The following EXOC4 variants were observed in gnomAD, a reference collection of about 807,000 sequenced individuals.
The protein encoded by EXOC4 is SEC8-like 1.
Under a neutral mutation model 107.2 loss-of-function variants are expected in EXOC4, and 71 were observed. The observed-to-expected ratio is 0.66, with a 90% CI of 0.55 to 0.81. EXOC4 has a LOEUF of 0.81. Among genes scored for constraint, EXOC4 ranks in the 30% least tolerant of loss-of-function variants. The pLI, the probability that EXOC4 is intolerant of heterozygous loss-of-function variation, is 0.00. For missense variants in EXOC4, 1,108 were observed against 1,189.6 expected, an observed-to-expected ratio of 0.93 and a Z score of 1.01; for synonymous variants, 456 against 441.2, an observed-to-expected ratio of 1.03 and a Z score of -0.42.
intron 6 of EXOC4, among the ~76,000 whole-genome samples, chr7:133,364,650 G>C (rs1174431289): frequency 6.6e-6 from 1 of 152,116 alleles, no homozygotes; most frequent in Non-Finnish European, 1.5e-5. Context: ...TGCCTTAGTT[G>C]ATTCTTATGC....
chr7:133,511,958 ACAGCG>A (rs1257220722), intron 9 of EXOC4, among the ~76,000 whole-genome samples: 2 of 152,202 alleles, frequency 1.3e-5, no homozygotes, highest in African/African-American at 4.8e-5. Context: ...ACGCTTAGCC[ACAGCG>A]CAGCATTCTT....
intron 7 of EXOC4, among the ~76,000 whole-genome samples, chr7:133,403,342 A>T (rs1318506980): frequency 6.6e-6 from 1 of 151,744 alleles, no homozygotes; most frequent in African/African-American, 2.4e-5. Context: ...TGTAGTCATG[A>T]CTCCTGTCTT....
chr7:133,838,667 A>G (rs958920421), intron 11 of EXOC4, among the ~76,000 whole-genome samples: 4 of 152,338 alleles, frequency 2.6e-5, no homozygotes, highest in Admixed American at 2.0e-4. Context: ...GGTAATAGCT[A>G]TGCTGCAAGT....
At chr7:133,390,009 C>T (rs1149551) in intron 7 of EXOC4, among the ~76,000 whole-genome samples, 128,868 of 152,092 alleles carry the variant, frequency 0.85, 54,865 homozygotes, top group East Asian at 0.94. Flanking sequence ...TCCTATGATT[C>T]AGTCACCTCC....
Position 133,823,864 on chromosome 7 carries a change from TATATATATTA to T in EXOC4, c.1734+6321_1734+6330del, listed in dbSNP as rs1212281248. ...TATATTATATATATATATATATATA[TATATATATTA>T]TATATATATATATATATATTTTATA... On this transcript the variant is annotated intron_variant, in intron 11 of 17. Coordinates refer to ENST00000253861, the MANE Select transcript of EXOC4 (RefSeq NM_021807.4). Among the ~76,000 whole-genome samples the T allele has an allele frequency of 2.3e-3, 56 of 24,758 alleles. 3 individuals carry two copies. Among genetic ancestry groups the T allele is most frequent in the South Asian group, 8.0e-3 (4 of 498 alleles). 16.2% of individuals were successfully genotyped at this position (24,758 alleles called of 152,430 possible). A position where few individuals can be genotyped will look rare whatever the true frequency, so the allele number is the denominator to read the frequency against.
chr7:133,466,771 A>C (rs1219586134), intron 7 of EXOC4, among the ~76,000 whole-genome samples: 1 of 152,330 alleles, frequency 6.6e-6, no homozygotes, highest in East Asian at 1.9e-4. Flanking sequence ...TGAACAAAAT[A>C]TTAGCAAATT....
At chr7:133,910,892 G>A (rs1477887803) in intron 12 of EXOC4, among the ~76,000 whole-genome samples, 1 of 152,118 alleles carries the variant, frequency 6.6e-6, no homozygotes, top group Non-Finnish European at 1.5e-5. Context: ...ACCTGCACCT[G>A]GTTGTTTACC....
intron 9 of EXOC4, among the ~76,000 whole-genome samples, chr7:133,587,643 A>G (rs1801437204): frequency 6.6e-6 from 1 of 152,222 alleles, no homozygotes; most frequent in Non-Finnish European, 1.5e-5. Flanking sequence ...GCAAAATCAG[A>G]TGGCTTGAAT....
intron 14 of EXOC4, among the ~76,000 whole-genome samples, chr7:133,986,661 AATTT>A (rs1360147023): frequency 4.6e-5 from 7 of 152,352 alleles, no homozygotes; most frequent in African/African-American, 1.7e-4. Context: ...ATAAATAAAT[AATTT>A]ATTTCTTAAA....
chr7:133,874,290 G>A (rs896112269), intron 11 of EXOC4, among the ~76,000 whole-genome samples: 3 of 152,184 alleles, frequency 2.0e-5, no homozygotes, highest in African/African-American at 7.2e-5. Context: ...GTTTTGCTCT[G>A]CATGGAAAAG....
chr7:133,597,382 C>G (rs1207773425), intron 9 of EXOC4, among the ~76,000 whole-genome samples: 1 of 151,920 alleles, frequency 6.6e-6, no homozygotes, highest in African/African-American at 2.4e-5. Flanking sequence ...TGGAGAAACC[C>G]CGTCTCTACT....
intron 10 of EXOC4, among the ~76,000 whole-genome samples, chr7:133,801,952 AT>A (rs1439947369): frequency 6.6e-6 from 1 of 152,236 alleles, no homozygotes; most frequent in Non-Finnish European, 1.5e-5. Context: ...AGGATATAGT[AT>A]TGCATCAGAA....
chr7:133,971,703 C>T lies in EXOC4; in HGVS notation c.2207-25789C>T, dbSNP rs77062965. ...GCAGTGAGGAGTACCCCAGGCAGTT[C>T]GAAGGAGACAATTCATTACTGGTTA... On this transcript the variant is annotated intron_variant, in intron 14 of 17. Transcript: ENST00000253861. Among the ~76,000 whole-genome samples the T allele has an allele frequency of 1.8e-4, 27 of 151,954 alleles. No homozygotes were observed. The South Asian group carries it at 5.0e-3, about 28-fold the overall frequency.
intron 1 of EXOC4, among the ~76,000 whole-genome samples, chr7:133,254,773 G>A (rs903641358): frequency 6.6e-6 from 1 of 152,146 alleles, no homozygotes; most frequent in Non-Finnish European, 1.5e-5. Flanking sequence ...GACATGAAAT[G>A]TTATGGAAAT....
At chr7:134,032,303 G>A (rs1459067838) in intron 17 of EXOC4, among the ~76,000 whole-genome samples, 2 of 152,110 alleles carry the variant, frequency 1.3e-5, no homozygotes, top group Non-Finnish European at 1.5e-5. Context: ...TGCAGTTGTC[G>A]CTGATGTCAC....
intron 7 of EXOC4, among the ~76,000 whole-genome samples, chr7:133,408,247 G>A (rs1262663930): frequency 2.0e-5 from 3 of 150,692 alleles, no homozygotes; most frequent in Non-Finnish European, 4.4e-5. Context: ...AATGATGTTG[G>A]TGGGGTGGGA....
intron 5 of EXOC4, among the ~76,000 whole-genome samples, chr7:133,351,669 A>G (rs1225737435): frequency 6.6e-6 from 1 of 151,574 alleles, no homozygotes; most frequent in African/African-American, 2.4e-5. Flanking sequence ...TTGTTTTTCT[A>G]TTCTCTATTT....
At chr7:133,836,622 A>T (rs559777432) in intron 11 of EXOC4, among the ~76,000 whole-genome samples, 32 of 152,276 alleles carry the variant, frequency 2.1e-4, no homozygotes, top group Admixed American at 1.2e-3. Flanking sequence ...TTCACTCCAA[A>T]ACCAAATAAC....
At chr7:133,596,453 T>G (rs143513136) in intron 9 of EXOC4, among the ~76,000 whole-genome samples, 21 of 152,360 alleles carry the variant, frequency 1.4e-4, no homozygotes, top group African/African-American at 5.0e-4. Flanking sequence ...TATCCTCTGT[T>G]TCCATAACTC....
Sources: allele counts gnomAD v4.1 joint callset (sites outside exome capture counted in the v4.1 genomes callset), GRCh38; gene constraint gnomAD v4.1.1; transcripts MANE v1.5; gene names NCBI Gene and HGNC (gene_info 2026-07-23, HGNC 2026-07-21).